The following BMP2K variants were observed in gnomAD, a reference collection of about 807,000 sequenced individuals.
BMP2K encodes the protein BMP-2-inducible protein kinase.
Under a neutral mutation model 116.0 loss-of-function variants are expected in BMP2K, and 74 were observed. The observed-to-expected ratio is 0.64, with a 90% CI of 0.53 to 0.77. The LOEUF (loss-of-function observed/expected upper bound fraction) is 0.77, where lower values mean the gene tolerates loss of function less well. Ranked by LOEUF, BMP2K falls within the 30% of genes least tolerant of loss-of-function variation. The pLI is 0.00. For synonymous variants in BMP2K, 486 were observed against 502.5 expected (o/e 0.97, Z 0.44); for missense variants, 1,365 against 1,403.6 (o/e 0.97, Z 0.44).
In BMP2K at chr4:78,829,762, TTTC is replaced by T. The variant is rs1228602448; in HGVS notation, c.297+3610_297+3612del. On this transcript the variant is annotated intron_variant, in intron 2 of 15. Coordinates refer to ENST00000502613, the MANE Select transcript of BMP2K (RefSeq NM_198892.2). ...AGCAGGCATGGAAACAATCTTTTCT[TTTC>T]TTTTCTTTTCTTTTCTTTTCTTTTC... Among the ~76,000 whole-genome samples, 24 of 109,900 alleles carry T rather than the reference TTTC, an allele frequency of 2.2e-4. 1 individual carries two copies. In the South Asian group the frequency reaches 5.7e-3, roughly 26 times the overall value. 72.1% of individuals were successfully genotyped at this position (109,900 alleles called of 152,430 possible). A position where few individuals can be genotyped will look rare whatever the true frequency, so the allele number is the denominator to read the frequency against.
intron 1 of BMP2K, among the ~76,000 whole-genome samples, chr4:78,778,909 C>T (rs926579631): frequency 2.0e-5 from 3 of 152,136 alleles, no homozygotes; most frequent in Non-Finnish European, 4.4e-5. Context: ...TAAGATAGAC[C>T]AAAGCACAGA....
intron 3 of BMP2K, among the ~76,000 whole-genome samples, chr4:78,835,486 G>A (rs1436606445): frequency 2.0e-5 from 3 of 151,766 alleles, no homozygotes; most frequent in African/African-American, 7.3e-5. Context: ...AAAGTTAGCC[G>A]AGCGTTGTGG....
At chr4:78,865,531 G>T (rs1345199699) in intron 9 of BMP2K, 26 bp from the exon 10 acceptor site, 2 of 1,603,044 alleles carry the variant, frequency 1.2e-6, no homozygotes, top group East Asian at 2.2e-5. Context: ...CCAGTATTTA[G>T]AATGAAATAT....
At chr4:78,908,186 A>G (rs1392170533) in intron 15 of BMP2K, among the ~76,000 whole-genome samples, 1 of 152,238 alleles carries the variant, frequency 6.6e-6, no homozygotes, top group African/African-American at 2.4e-5. Flanking sequence ...TTTGCAATTA[A>G]GTATAACCTG....
chr4:78,832,307 C>T (rs923188848), intron 2 of BMP2K, among the ~76,000 whole-genome samples: 1 of 152,032 alleles, frequency 6.6e-6, no homozygotes, highest in South Asian at 2.1e-4. Flanking sequence ...AGTATTTTTC[C>T]GCATTCTTGC....
intron 1 of BMP2K, among the ~76,000 whole-genome samples, chr4:78,804,773 TTGTC>T (rs1728739359): frequency 1.3e-5 from 2 of 151,726 alleles, no homozygotes; most frequent in African/African-American, 2.4e-5. Context: ...TAAAATTGGG[TTGTC>T]TTTTTATTGT....
chr4:78,856,302 A>C (rs980952500), intron 7 of BMP2K, among the ~76,000 whole-genome samples: 2 of 152,042 alleles, frequency 1.3e-5, no homozygotes, highest in African/African-American at 4.8e-5. Flanking sequence ...CTCTCACCCC[A>C]GCCTCCTAAG....
chr4:78,847,163 C>T, intron 5 of BMP2K, 25 bp from the exon 6 acceptor site: 1 of 1,329,360 alleles, frequency 7.5e-7, no homozygotes, highest in South Asian at 1.7e-5. Context: ...TATATCTCCA[C>T]TCCATTTCAC....
intron 13 of BMP2K, among the ~76,000 whole-genome samples, chr4:78,877,021 T>C (rs1007540653): frequency 3.3e-5 from 5 of 152,242 alleles, no homozygotes; most frequent in Middle Eastern, 3.4e-3. Flanking sequence ...ATAGAAAAGG[T>C]AAAATAAAAA....
At chr4:78,876,625 A>C (rs1269459240) in intron 13 of BMP2K, among the ~76,000 whole-genome samples, 1 of 152,176 alleles carries the variant, frequency 6.6e-6, no homozygotes, top group Non-Finnish European at 1.5e-5. Context: ...ACGGTTAGGT[A>C]AATTTAGGGG....
chr4:78,823,398 C>T (rs1012592611), intron 1 of BMP2K, among the ~76,000 whole-genome samples: 1 of 151,326 alleles, frequency 6.6e-6, no homozygotes, highest in African/African-American at 2.4e-5. Flanking sequence ...TTCCCTCTTC[C>T]ATCTAATAAA....
intron 1 of BMP2K, among the ~76,000 whole-genome samples, chr4:78,779,177 T>G (rs1727387634): frequency 6.6e-6 from 1 of 152,202 alleles, no homozygotes; most frequent in African/African-American, 2.4e-5. Context: ...TACTATGGTG[T>G]TAGATTCCTG....
intron 4 of BMP2K, among the ~76,000 whole-genome samples, chr4:78,843,031 C>G (rs1409762961): frequency 2.0e-5 from 3 of 151,878 alleles, no homozygotes; most frequent in African/African-American, 7.2e-5. Context: ...GTCACTTCAT[C>G]TTCTGTGGAT....
chr4:78,788,376 A>ATTTTT (rs1264545181), intron 1 of BMP2K, among the ~76,000 whole-genome samples: 1 of 135,082 alleles, frequency 7.4e-6, no homozygotes, highest in East Asian at 2.1e-4. Flanking sequence ...GGATCTAAGG[A>ATTTTT]TTTTTTTTTT....
chr4:78,898,652 C>T (rs918931400), intron 15 of BMP2K, among the ~76,000 whole-genome samples: 1 of 147,188 alleles, frequency 6.8e-6, no homozygotes, highest in African/African-American at 2.5e-5. Context: ...AGCGAGACTC[C>T]ATCTCAAAAA....
At chr4:78,879,466 A>T (rs939256745) in intron 14 of BMP2K, 2 of 965,306 alleles carry the variant, frequency 2.1e-6, no homozygotes, top group Middle Eastern at 5.3e-4. Context: ...ACTTGGAATC[A>T]TTGCTTTTCT....
intron 15 of BMP2K, among the ~76,000 whole-genome samples, chr4:78,909,520 G>C (rs28410307): frequency 0.14 from 21,864 of 151,988 alleles, 2,917 homozygotes; most frequent in African/African-American, 0.35. Context: ...CTTACCTCAT[G>C]TTGTACCTGA....
chr4:78,810,231 C>T (rs576975263), intron 1 of BMP2K, among the ~76,000 whole-genome samples: 15 of 152,296 alleles, frequency 9.8e-5, no homozygotes, highest in African/African-American at 3.1e-4. Flanking sequence ...TATAGCTCCT[C>T]GTGAGCCTTC....
At chr4:78,857,494 A>G (rs1487869098) in intron 7 of BMP2K, among the ~76,000 whole-genome samples, 5 of 152,134 alleles carry the variant, frequency 3.3e-5, no homozygotes, top group African/African-American at 9.7e-5. Flanking sequence ...GTGCTTTTCA[A>G]TTGCTATGAA....
Sources: allele counts gnomAD v4.1 joint callset (sites outside exome capture counted in the v4.1 genomes callset), GRCh38; gene constraint gnomAD v4.1.1; transcripts MANE v1.5; gene names NCBI Gene and HGNC (gene_info 2026-07-23, HGNC 2026-07-21).